Variants in MYO5C observed in about 807,000 individuals in gnomAD.
The protein encoded by MYO5C is unconventional myosin-Vc.
A neutral mutation model predicts 235.7 loss-of-function variants in MYO5C; 194 were observed. The ratio of observed to expected loss-of-function variants is 0.82; its 90% CI spans 0.73 to 0.93. MYO5C has a LOEUF of 0.93. Ranked by LOEUF, MYO5C falls within the 40% of genes least tolerant of loss-of-function variation. The pLI is 0.00. For missense variants in MYO5C, 2,038 were observed against 2,127.2 expected (o/e 0.96, Z 0.82); for synonymous variants, 707 against 754.8 (o/e 0.94, Z 1.04).
chr15:52,270,045 T>C (rs1416429673), intron 7 of MYO5C, among the ~76,000 whole-genome samples, 185 bp from the exon 8 acceptor site: 1 of 152,094 alleles, frequency 6.6e-6, no homozygotes, highest in Non-Finnish European at 1.5e-5. Flanking sequence ...ATCCCAGCAC[T>C]TTGGGAGCCT....
intron 8 of MYO5C, among the ~76,000 whole-genome samples, chr15:52,268,589 G>A (rs1292483039): frequency 3.9e-5 from 6 of 152,102 alleles, no homozygotes; most frequent in Admixed American, 2.6e-4. Flanking sequence ...AGAAATGGCC[G>A]ATGGCCTCAC....
At chr15:52,266,295 T>G (rs2036810207) in intron 8 of MYO5C, among the ~76,000 whole-genome samples, 1 of 152,164 alleles carries the variant, frequency 6.6e-6, no homozygotes, top group Non-Finnish European at 1.5e-5. Context: ...TCCTAGAGCC[T>G]GAGGTCCCAG....
At chr15:52,245,017 C>G (rs545612844) in intron 18 of MYO5C, among the ~76,000 whole-genome samples, 1 of 152,382 alleles carries the variant, frequency 6.6e-6, no homozygotes, top group South Asian at 2.1e-4. Context: ...CCACACAAGG[C>G]ACCATGCCTG....
intron 5 of MYO5C, among the ~76,000 whole-genome samples, chr15:52,274,670 ACC>A (rs372865087): frequency 1.5e-4 from 20 of 136,862 alleles, no homozygotes; most frequent in South Asian, 7.6e-4. Context: ...GTTTCTTAGT[ACC>A]CCCCCCCCGA....
At chr15:52,279,755 C>A in intron 2 of MYO5C, 81 bp from the exon 3 acceptor site, 2 of 1,340,806 alleles carry the variant, frequency 1.5e-6, no homozygotes, top group Non-Finnish European at 2.0e-6. Flanking sequence ...TTTGTCCTAT[C>A]CACCCCTCCA....
chr15:52,240,087 C>T (rs1268031532), intron 20 of MYO5C, among the ~76,000 whole-genome samples: 2 of 152,182 alleles, frequency 1.3e-5, no homozygotes, highest in South Asian at 2.1e-4. Flanking sequence ...CATTCTAGAA[C>T]CCCCTGTCTC....
chr15:52,217,462 G>T (rs2035581476), intron 32 of MYO5C, among the ~76,000 whole-genome samples: 1 of 152,202 alleles, frequency 6.6e-6, no homozygotes, highest in Admixed American at 6.5e-5. Flanking sequence ...GCTTCTCCCT[G>T]ACCGCTGACT....
intron 19 of MYO5C, among the ~76,000 whole-genome samples, chr15:52,244,020 C>A (rs1314660902): frequency 6.6e-6 from 1 of 152,212 alleles, no homozygotes; most frequent in African/African-American, 2.4e-5. Flanking sequence ...CCTTGCTGAT[C>A]TTATGCATTT....
chr15:52,239,586 A>T, intron 21 of MYO5C, 147 bp downstream of exon 21: 1 of 748,914 alleles, frequency 1.3e-6, no homozygotes, highest in South Asian at 2.0e-5. Flanking sequence ...TTTACAGTGT[A>T]CTTCTGTTTC....
At chr15:52,238,634 TC>T (rs1271793052) in intron 21 of MYO5C, among the ~76,000 whole-genome samples, 1 of 152,180 alleles carries the variant, frequency 6.6e-6, no homozygotes, top group African/African-American at 2.4e-5. Context: ...TCTTTTCTTT[TC>T]TTTTCTTTTT....
intron 1 of MYO5C, among the ~76,000 whole-genome samples, chr15:52,285,405 C>T (rs1257821224): frequency 9.7e-6 from 1 of 103,118 alleles, no homozygotes; most frequent in Non-Finnish European, 2.2e-5. Flanking sequence ...CGCTCTCCCT[C>T]TCCCTCCTCT....
At chr15:52,228,738 A>G (rs1027736441) in intron 25 of MYO5C, among the ~76,000 whole-genome samples, 2 of 152,206 alleles carry the variant, frequency 1.3e-5, no homozygotes, top group African/African-American at 4.8e-5. Flanking sequence ...TTGTTTTAGT[A>G]AATTTTCTAA....
At chr15:52,288,399 C>T (rs1596237840) in intron 1 of MYO5C, among the ~76,000 whole-genome samples, 1 of 152,190 alleles carries the variant, frequency 6.6e-6, no homozygotes, top group Non-Finnish European at 1.5e-5. Context: ...TTAGGACATA[C>T]GTAACCACTG....
rs1036398525 is a variant in MYO5C at position 52,195,239 on chromosome 15, C to T, written c.5076+138G>A. The T allele has an allele frequency of 5.9e-5, 34 of 574,816 alleles. No homozygotes were observed. The African/African-American group carries it at 6.4e-4, about 11-fold the overall frequency. 35.6% of individuals were successfully genotyped at this position (574,816 alleles called of 1,614,324 possible). ...TTTCACAGGAAAATTTCCTGCTTAC[C>T]TTTGAGCTGGGTGCCTTTCATTTGT... On this transcript the variant is annotated intron_variant, in intron 40 of 40. Coordinates refer to ENST00000261839, the MANE Select transcript of MYO5C (RefSeq NM_018728.4).
chr15:52,215,229 C>T (rs2035527632), intron 32 of MYO5C, among the ~76,000 whole-genome samples: 1 of 152,160 alleles, frequency 6.6e-6, no homozygotes, highest in African/African-American at 2.4e-5. Context: ...AATGGGCTTT[C>T]TAGATTTCAG....
chr15:52,255,956 A>G (rs1487992459), intron 11 of MYO5C, among the ~76,000 whole-genome samples: 2 of 152,144 alleles, frequency 1.3e-5, no homozygotes, highest in African/African-American at 2.4e-5. Context: ...TTAGTTAGGA[A>G]GGTACCATAT....
chr15:52,242,457 C>T (rs1032716848), intron 19 of MYO5C: 60 of 462,122 alleles, frequency 1.3e-4, no homozygotes, highest in Non-Finnish European at 3.1e-5. Flanking sequence ...CACCTCCACT[C>T]AGGTACCCAC....
chr15:52,239,515 C>G (rs2036166055), intron 21 of MYO5C, among the ~76,000 whole-genome samples: 1 of 152,260 alleles, frequency 6.6e-6, no homozygotes, highest in Admixed American at 6.5e-5. Flanking sequence ...CCCACCTGCC[C>G]TCTGAGGTAG....
Position 52,264,310 on chromosome 15 carries a change from T to C in MYO5C, c.941-14A>G. On this transcript the variant is annotated splice_polypyrimidine_tract_variant and intron_variant, in intron 8 of 40. Coordinates refer to ENST00000261839, the MANE Select transcript of MYO5C (RefSeq NM_018728.4). ...CCTCCTTGAAACCTAAAAACAAACA[T>C]TTTCCCAGATTAGAATACTGCATCT... The C allele has an allele frequency of 6.3e-7, 1 of 1,592,118 alleles. No individual in the cohort carries two copies. Among genetic ancestry groups the C allele is most frequent in the Non-Finnish European group, 8.6e-7 (1 of 1,161,044 alleles).
Sources: gnomAD v4.1 joint callset for allele counts (sites outside exome capture counted in the v4.1 genomes callset) on GRCh38, gnomAD v4.1.1 for gene constraint, MANE v1.5 for transcripts, NCBI Gene and HGNC (gene_info 2026-07-23, HGNC 2026-07-21) for gene names.